DCDC1: variants seen among roughly 807,000 people sequenced by gnomAD.
DCDC1 encodes the protein doublecortin domain containing 1, also known as doublecortin domain-containing protein 1.
A neutral mutation model predicts 178.3 loss-of-function variants in DCDC1; 200 were observed. That is an observed-to-expected ratio of 1.12 (90% confidence interval 1.00 to 1.26). DCDC1 has a LOEUF of 1.26. Among genes scored for constraint, DCDC1 ranks in the 50% most tolerant of loss-of-function variants. The pLI, the probability that DCDC1 is intolerant of heterozygous loss-of-function variation, is 0.00. For synonymous variants in DCDC1, 690 were observed against 604.8 expected (o/e 1.14, Z -2.07); for missense variants, 1,983 against 1,749.2 (o/e 1.13, Z -2.38).
At chr11:31,112,966 C>T (rs1488068856) in intron 11 of DCDC1, among the ~76,000 whole-genome samples, 2 of 151,914 alleles carry the variant, frequency 1.3e-5, no homozygotes, top group Non-Finnish European at 2.9e-5. Context: ...AGGGAGGGGC[C>T]GACAATAAGC....
intron 20 of DCDC1, among the ~76,000 whole-genome samples, chr11:31,015,014 T>C (rs1952403040): frequency 6.6e-6 from 1 of 151,674 alleles, no homozygotes. Context: ...GTGGCGCAAC[T>C]TGGCTCACTG....
At chr11:31,119,858 T>G (rs1002184792) in intron 11 of DCDC1, among the ~76,000 whole-genome samples, 2 of 152,128 alleles carry the variant, frequency 1.3e-5, no homozygotes, top group African/African-American at 4.8e-5. Flanking sequence ...AATAATGGAA[T>G]TGTAGTAAAA....
intron 7 of DCDC1, chr11:31,280,961 CT>C: frequency 1.6e-6 from 1 of 630,300 alleles, no homozygotes; most frequent in Non-Finnish European, 3.0e-6. Flanking sequence ...AACAAAAACT[CT>C]TCTTGCCTTT....
intron 7 of DCDC1, among the ~76,000 whole-genome samples, chr11:31,288,010 A>C (rs1946961228): frequency 6.6e-6 from 1 of 151,950 alleles, no homozygotes; most frequent in South Asian, 2.1e-4. Context: ...CAAGCAAAAA[A>C]CCAAATAAGT....
chr11:31,280,940 G>C (rs1242581947), intron 7 of DCDC1: 1 of 636,188 alleles, frequency 1.6e-6, no homozygotes, highest in East Asian at 3.6e-5. Flanking sequence ...GTGGCACTGG[G>C]CACACTTTTG....
At chr11:31,065,559 TTGAA>T (rs1159216029) in intron 18 of DCDC1, among the ~76,000 whole-genome samples, 1 of 152,090 alleles carries the variant, frequency 6.6e-6, no homozygotes, top group Non-Finnish European at 1.5e-5. Flanking sequence ...AGAAAACAAA[TTGAA>T]TGAATGAAAG....
intron 10 of DCDC1, among the ~76,000 whole-genome samples, chr11:31,128,943 TTTGCTGTGTAGA>T (rs1962037667): frequency 6.6e-6 from 1 of 152,170 alleles, no homozygotes; most frequent in African/African-American, 2.4e-5. Context: ...TTCCAAACTA[TTTGCTGTGTAGA>T]TCCTACAGCT....
chr11:31,136,547 A>G (rs1010629268), intron 10 of DCDC1, among the ~76,000 whole-genome samples: 5 of 152,144 alleles, frequency 3.3e-5, no homozygotes, highest in African/African-American at 1.2e-4. Context: ...TGAAATCATA[A>G]TAAGAAATAC....
At position 30,930,329 on chromosome 11, in the gene DCDC1, G is replaced by A. The variant is rs1946848305; in HGVS notation, c.2897+1442C>T. 1.3e-5 allele frequency among the ~76,000 whole-genome samples: 2 copies of A among 152,092 alleles called. 1 individual carries two copies. Among genetic ancestry groups the A allele is most frequent in the South Asian group, 4.1e-4 (2 of 4,830 alleles). On this transcript the variant is annotated intron_variant, in intron 22 of 38. Coordinates refer to ENST00000684477, the MANE Select transcript of DCDC1 (RefSeq NM_001387274.1). ...CCAAGACCTTCCATTTAAACCTTCTGTGAACCAGTACTTACATCCAGCTCT... is the reference window on the plus strand; with the variant it reads ...CCAAGACCTTCCATTTAAACCTTCTATGAACCAGTACTTACATCCAGCTCT...
At chr11:30,938,068 C>CCCCGAG (rs1393028120) in intron 21 of DCDC1, among the ~76,000 whole-genome samples, 1 of 152,212 alleles carries the variant, frequency 6.6e-6, no homozygotes, top group South Asian at 2.1e-4. Context: ...CCAGAACCTT[C>CCCCGAG]CCCGAGCCCT....
chr11:31,362,701 A>C (rs557170083), intron 1 of DCDC1, among the ~76,000 whole-genome samples: 11 of 152,296 alleles, frequency 7.2e-5, no homozygotes, highest in African/African-American at 2.6e-4. Context: ...TCTACAGTAG[A>C]TTAAAAAGTA....
intron 20 of DCDC1, among the ~76,000 whole-genome samples, chr11:31,050,500 C>T (rs1280669880): frequency 1.3e-5 from 2 of 152,222 alleles, no homozygotes; most frequent in Non-Finnish European, 2.9e-5. Context: ...CACATTACTA[C>T]AGCTGATGCT....
At chr11:31,170,023 G>C (rs559251443) in intron 9 of DCDC1, among the ~76,000 whole-genome samples, 1 of 152,288 alleles carries the variant, frequency 6.6e-6, no homozygotes, top group East Asian at 1.9e-4. Context: ...AGAGACTGTT[G>C]TGAGGCTGCA....
At chr11:30,910,343 G>C (rs1945355584) in intron 28 of DCDC1, among the ~76,000 whole-genome samples, 1 of 152,150 alleles carries the variant, frequency 6.6e-6, no homozygotes. Context: ...ACTGTGGTCT[G>C]TGCTGATGAG....
In DCDC1 at chr11:31,123,403, T is replaced by A. The variant is rs565746506; in HGVS notation, c.1485+4066A>T. Among the ~76,000 whole-genome samples, 18 of 152,242 alleles carry A rather than the reference T, an allele frequency of 1.2e-4. No homozygotes were observed. In the East Asian group the frequency reaches 1.5e-3, roughly 13 times the overall value. On this transcript the variant is annotated intron_variant, in intron 11 of 38. Coordinates refer to ENST00000684477, the MANE Select transcript of DCDC1 (RefSeq NM_001387274.1). ...TGACCTATTTCATTGTAAATTCATA[T>A]GATTTTTAAATAATGGCTATATAAA...
At chr11:31,118,455 A>G (rs141524189) in intron 11 of DCDC1, among the ~76,000 whole-genome samples, 3 of 152,276 alleles carry the variant, frequency 2.0e-5, no homozygotes, top group Non-Finnish European at 4.4e-5. Flanking sequence ...GAAAATCTGC[A>G]TTCATTTATG....
At chr11:30,967,405 A>G (rs937581431) in intron 20 of DCDC1, among the ~76,000 whole-genome samples, 2 of 152,030 alleles carry the variant, frequency 1.3e-5, no homozygotes, top group African/African-American at 4.8e-5. Context: ...TATCTAGAAA[A>G]CCCCATCGTC....
intron 10 of DCDC1, among the ~76,000 whole-genome samples, chr11:31,132,944 A>G (rs1167232120): frequency 6.6e-6 from 1 of 152,240 alleles, no homozygotes; most frequent in East Asian, 1.9e-4. Flanking sequence ...GCACATGTCT[A>G]TAAACATACA....
chr11:30,872,467 G>A (rs891293853), intron 38 of DCDC1, among the ~76,000 whole-genome samples: 50 of 152,200 alleles, frequency 3.3e-4, no homozygotes, highest in African/African-American at 1.1e-3. Context: ...AATATGGTAT[G>A]AAAATGTATT....
Sources: allele counts gnomAD v4.1 joint callset (sites outside exome capture counted in the v4.1 genomes callset), GRCh38; gene constraint gnomAD v4.1.1; transcripts MANE v1.5; gene names NCBI Gene and HGNC (gene_info 2026-07-23, HGNC 2026-07-21).